The following KLF15 variants were observed in gnomAD, a reference collection of about 807,000 sequenced individuals.
KLF15 encodes Krueppel-like factor 15.
A neutral mutation model predicts 24.6 loss-of-function variants in KLF15; 4 were observed. That is an observed-to-expected ratio of 0.16 (90% CI 0.08 to 0.37). KLF15 has a LOEUF of 0.37. Among genes scored for constraint, KLF15 ranks in the 10% least tolerant of loss-of-function variants. KLF15 has a pLI of 1.00. For missense variants in KLF15, 496 were observed against 560.6 expected (o/e 0.88, Z 1.16); for synonymous variants, 246 against 236.3 (o/e 1.04, Z -0.37).
chr3:126,357,038 G>T (rs1576591798), intron 1 of KLF15, among the ~76,000 whole-genome samples, 199 bp downstream of exon 1: 2 of 151,514 alleles, frequency 1.3e-5, no homozygotes, highest in South Asian at 2.1e-4. Flanking sequence ...GGGGCGGGGG[G>T]GGTCACCTCC....
intron 2 of KLF15, among the ~76,000 whole-genome samples, chr3:126,351,411 G>A (rs2082580853): frequency 6.6e-6 from 1 of 152,256 alleles, no homozygotes; most frequent in African/African-American, 2.4e-5. Flanking sequence ...CCTTGGGCAA[G>A]TACCTGGCCA....
chr3:126,298,302 G>C, the KLF15 span, among the ~76,000 whole-genome samples: 1 of 140,280 alleles, frequency 7.1e-6, no homozygotes, highest in Non-Finnish European at 1.6e-5. Context: ...GGATTATTAG[G>C]TTTTTTTTTT....
chr3:126,323,295 AT>A, the KLF15 span, among the ~76,000 whole-genome samples: 10 of 146,682 alleles, frequency 6.8e-5, no homozygotes, highest in East Asian at 2.0e-3. Flanking sequence ...TATATACTTA[AT>A]TTTTTTCTTA....
At chr3:126,300,477 G>A in the KLF15 span, among the ~76,000 whole-genome samples, 19 of 152,276 alleles carry the variant, frequency 1.2e-4, no homozygotes, top group Non-Finnish European at 2.2e-4. Context: ...TCCACTGCAC[G>A]GTAGGTGTGG....
chr3:126,354,469 C>T (rs2082614652), intron 1 of KLF15, among the ~76,000 whole-genome samples: 1 of 152,164 alleles, frequency 6.6e-6, no homozygotes, highest in Non-Finnish European at 1.5e-5. Context: ...CCTTAGTTTC[C>T]TCATCTGTTC....
In KLF15 at chr3:126,353,107, T is replaced by C. The variant is rs183945280; in HGVS notation, c.-25-160A>G. Among the ~76,000 whole-genome samples the C allele has an allele frequency of 1.8e-3, 275 of 152,238 alleles. 2 individuals are homozygous for C. The highest frequency in any genetic ancestry group is 6.4e-3 in the African/African-American group (265 of 41,542). On this transcript the variant is annotated intron_variant, in intron 1 of 2. Transcript: ENST00000296233. The stretch of plus-strand genomic sequence containing the variant: ...CAGGAGAGCTGTGCCTGCAAGAGTG[T>C]TTTCTGAAATTGCACCACCTGTTTG...
chr3:126,345,915 C>A (rs766776874), intron 2 of KLF15, among the ~76,000 whole-genome samples: 1 of 152,120 alleles, frequency 6.6e-6, no homozygotes, highest in Non-Finnish European at 1.5e-5. Context: ...AACTGCCCTG[C>A]CTGTCAGAGG....
the KLF15 span, among the ~76,000 whole-genome samples, chr3:126,330,988 G>A: frequency 6.6e-6 from 1 of 152,206 alleles, no homozygotes; most frequent in Non-Finnish European, 1.5e-5. Flanking sequence ...GGGTACCCAG[G>A]CAGCAGAAGC....
chr3:126,322,535 T>TC, the KLF15 span, among the ~76,000 whole-genome samples: 8 of 152,040 alleles, frequency 5.3e-5, no homozygotes, highest in Admixed American at 2.6e-4. Flanking sequence ...CCCAGGATCC[T>TC]CCCCCCATCT....
chr3:126,330,145 C>T, the KLF15 span, among the ~76,000 whole-genome samples: 65,758 of 152,024 alleles, frequency 0.43, 14,509 homozygotes, highest in Non-Finnish European at 0.47. Flanking sequence ...TGGCCCAAGG[C>T]GAAATGTGAG....
chr3:126,323,470 ATGT>A, the KLF15 span, among the ~76,000 whole-genome samples: 2 of 74,730 alleles, frequency 2.7e-5, no homozygotes, highest in African/African-American at 1.4e-4. Context: ...TAACATATAT[ATGT>A]TATATATATA....
the KLF15 span, among the ~76,000 whole-genome samples, chr3:126,323,445 TGTTATATATATATATAACATATATATG>T: frequency 5.1e-4 from 29 of 56,528 alleles, 2 homozygotes; most frequent in African/African-American, 1.9e-3. Flanking sequence ...AACATATATA[TGTTATATATATATATAACATATATATG>T]TTATATATAT....
chr3:126,294,958 A>G, the KLF15 span, among the ~76,000 whole-genome samples: 8,487 of 151,706 alleles, frequency 0.056, 338 homozygotes, highest in South Asian at 0.18. Flanking sequence ...GATACACACA[A>G]ACATGTATAT....
At chr3:126,323,426 T>TAAC in the KLF15 span, among the ~76,000 whole-genome samples, 477 of 37,774 alleles carry the variant, frequency 0.013, 10 homozygotes, top group African/African-American at 0.035. Flanking sequence ...TATATATATA[T>TAAC]ATATATATAA....
chr3:126,328,497 G>T, the KLF15 span, among the ~76,000 whole-genome samples: 1 of 152,250 alleles, frequency 6.6e-6, no homozygotes, highest in South Asian at 2.1e-4. Flanking sequence ...GTTCTTTAAG[G>T]AATCTCCACA....
At chr3:126,316,880 C>A in the KLF15 span, among the ~76,000 whole-genome samples, 19 of 152,118 alleles carry the variant, frequency 1.2e-4, no homozygotes, top group Non-Finnish European at 2.5e-4. Flanking sequence ...GCAGGACCAG[C>A]GAGCCCTCAG....
intron 1 of KLF15, among the ~76,000 whole-genome samples, chr3:126,355,919 C>G (rs1199656005): frequency 6.6e-6 from 1 of 152,200 alleles, no homozygotes; most frequent in African/African-American, 2.4e-5. Flanking sequence ...GGAGCTGGCT[C>G]GGCCCCTGAA....
chr3:126,324,788 A>ATT, the KLF15 span, among the ~76,000 whole-genome samples: 29,433 of 74,000 alleles, frequency 0.4, 6,279 homozygotes, highest in Non-Finnish European at 0.47. Context: ...TTTGCTTTTA[A>ATT]TTTTTTTTTT....
Position 126,343,847 on chromosome 3 carries a change from A to G in KLF15, c.1131T>C (p.Gly377=). The G allele has an allele frequency of 1.2e-6, 2 of 1,607,994 alleles. No individual in the cohort carries two copies. Among genetic ancestry groups the G allele is most frequent in the Non-Finnish European group, 1.7e-6 (2 of 1,178,470 alleles). The change falls in exon 3 of 3, where the codon GGT becomes GGC. Residue 377 remains glycine (G), a synonymous_variant. Coordinates refer to ENST00000296233, the MANE Select transcript of KLF15 (RefSeq NM_014079.4). ...ACACAGGACACTGGTACGGCTTCAC[A>G]CCTGAGTGCGAGCGCCTGTGCCGCG... is the stretch of plus-strand genomic sequence containing the variant. ...ELSRHRRSHS[G]VKPYQCPVCE...
Sources: allele counts gnomAD v4.1 joint callset (sites outside exome capture counted in the v4.1 genomes callset), GRCh38; gene constraint gnomAD v4.1.1; transcripts MANE v1.5; gene names NCBI Gene and HGNC (gene_info 2026-07-23, HGNC 2026-07-21).